The following FBF1 variants were observed in gnomAD, a reference collection of about 807,000 sequenced individuals.
FBF1 encodes Fas binding factor 1.
In FBF1, 119 loss-of-function variants were observed where a neutral mutation model predicts 147.2. That is an observed-to-expected ratio of 0.81 (90% confidence interval 0.70 to 0.94). The LOEUF (loss-of-function observed/expected upper bound fraction) is 0.94. FBF1 is among the 40% of genes least tolerant of loss of function. The pLI is 0.00. For synonymous variants in FBF1, 601 were observed against 609.0 expected (o/e 0.99, Z 0.19); for missense variants, 1,449 against 1,500.8 (o/e 0.97, Z 0.57).
Position 75,926,376 on chromosome 17 carries a change from C to T in FBF1, c.646G>A (p.Glu216Lys). The T allele has an allele frequency of 6.2e-7, 1 of 1,608,258 alleles. No homozygotes were observed. ...TCATCCCCATCATCAAACAACAATT[C>T]TTCTTTTTTTCGGATGGGGGTGTCC... ...PGDTPIRKKE[E>K]LLFDDGDDIM... Residue 216 changes from glutamate to lysine, a missense_variant, in exon 11 of 30, where the codon GAA becomes AAA. Coordinates refer to ENST00000636174, the MANE Select transcript of FBF1 (RefSeq NM_001319193.2).
Position 75,919,706 on chromosome 17 carries a change from C to G in FBF1, c.2100G>C (p.Glu700Asp). 1 of 1,612,166 alleles carries G rather than the reference C, an allele frequency of 6.2e-7. No homozygotes were observed. ...HQRRLAAIAQ[E>D]KDQEMERLRE... Reference sequence around the variant, plus strand: ...GGAGCCGCTCCATTTCCTGGTCCTTCTCCTGCGCTATGGCCGCCAAGCGCC... The same window carrying G: ...GGAGCCGCTCCATTTCCTGGTCCTTGTCCTGCGCTATGGCCGCCAAGCGCC... The change falls in exon 20 of 30, where the codon GAG becomes GAC. Residue 700 changes from glutamate to aspartate, a missense_variant. Glu to Asp is a conservative substitution (Grantham distance 45, BLOSUM62 2). Coordinates refer to ENST00000636174, the MANE Select transcript of FBF1 (RefSeq NM_001319193.2). The surrounding 1 kb of genome is among the most constrained non-coding windows in gnomAD (Gnocchi z 5.0).
At chr17:75,917,600 G>A in intron 23 of FBF1, 132 bp downstream of exon 23, 1 of 796,890 alleles carries the variant, frequency 1.3e-6, no homozygotes, top group Non-Finnish European at 2.0e-6. Flanking sequence ...GAGATGTAGA[G>A]GCAGGAAGCG....
chr17:75,921,401 A>G, intron 16 of FBF1, 71 bp downstream of exon 16: 1 of 1,554,666 alleles, frequency 6.4e-7, no homozygotes, highest in South Asian at 1.2e-5. Flanking sequence ...AGGGACCCCA[A>G]AGGAAGCTCA....
chr17:75,921,282 T>C lies in FBF1; in HGVS notation c.1636A>G (p.Ser546Gly). 1 of 1,593,626 alleles carries C rather than the reference T, an allele frequency of 6.3e-7. No homozygotes were observed. Among genetic ancestry groups the C allele is most frequent in the Non-Finnish European group, 8.5e-7 (1 of 1,170,158 alleles). ...SATEPATCFPSTQKPTEPSVP... is the reference protein window; with the variant it reads ...SATEPATCFPGTQKPTEPSVP... ...GAAGGCTCTGTGGGTTTCTGGGTGC[T>C]CGGGAAACACGTGGCAGGCTCTGAA... is the stretch of plus-strand genomic sequence containing the variant. The change falls in exon 17 of 30, where the codon AGC (serine) becomes GGC (glycine). Residue 546 changes from serine (S) to glycine (G), a missense_variant. Coordinates refer to ENST00000636174, the MANE Select transcript of FBF1 (RefSeq NM_001319193.2).
chr17:75,916,007 C>CAAAAAAAAAAAA, intron 23 of FBF1, among the ~76,000 whole-genome samples: 1 of 65,472 alleles, frequency 1.5e-5, no homozygotes, highest in Non-Finnish European at 2.8e-5. Flanking sequence ...GACTCTGACT[C>CAAAAAAAAAAAA]AAAAAAAAAA....
In FBF1 at chr17:75,928,197, G is replaced by A; in HGVS notation, c.280-4C>T. The A allele has an allele frequency of 6.2e-7, 1 of 1,613,220 alleles. No individual in the cohort carries two copies. The highest frequency in any genetic ancestry group is 8.5e-7 in the Non-Finnish European group (1 of 1,179,292). The stretch of plus-strand genomic sequence containing the variant: ...CAGCATCCATGCCGTCCAGGTCCTA[G>A]AAAACCAGGGAGGGAGGGCAGAGGA... On this transcript the variant is annotated splice_region_variant and splice_polypyrimidine_tract_variant and intron_variant, in intron 7 of 29. Coordinates refer to ENST00000636174, the MANE Select transcript of FBF1 (RefSeq NM_001319193.2). This position sits in a 1 kb window ranked among gnomAD's most constrained non-coding sequence, Gnocchi z 4.2.
intron 1 of FBF1, among the ~76,000 whole-genome samples, chr17:75,939,317 A>AC (rs1555614749): frequency 0.068 from 9,582 of 140,638 alleles, 490 homozygotes; most frequent in African/African-American, 0.14. Flanking sequence ...AAAAAAAAAA[A>AC]CGTGCTCTGG....
At chr17:75,929,945 A>AGGGGCCCC in intron 7 of FBF1, 52 bp downstream of exon 7, 2 of 650,894 alleles carry the variant, frequency 3.1e-6, no homozygotes, top group East Asian at 2.8e-5. Context: ...AAATATCATG[A>AGGGGCCCC]CCCCACCCCA....
chr17:75,930,174 T>C, intron 6 of FBF1, 127 bp from the exon 7 acceptor site: 1 of 713,240 alleles, frequency 1.4e-6, no homozygotes, highest in Non-Finnish European at 2.4e-6. Flanking sequence ...GCTTGGCCAA[T>C]GGAGCTTACA....
intron 3 of FBF1, among the ~76,000 whole-genome samples, chr17:75,936,996 C>A (rs2065628978): frequency 1.3e-5 from 2 of 152,086 alleles, no homozygotes; most frequent in Non-Finnish European, 2.9e-5. Context: ...CCCACACCAG[C>A]TTTCCCACCC....
In FBF1 at chr17:75,910,859, G is replaced by A. The variant is rs1353884494; in HGVS notation, c.3364-53C>T. ...ACCTTCCCTGAGCTGAGAGGGAGGT[G>A]GAGCCCTGGATGCTAGCTGAGCCAG... is the stretch of plus-strand genomic sequence containing the variant. On this transcript the variant is annotated intron_variant, in intron 29 of 29. Coordinates refer to ENST00000636174, the MANE Select transcript of FBF1 (RefSeq NM_001319193.2). The surrounding 1 kb of genome is among the most constrained non-coding windows in gnomAD (Gnocchi z 4.1). 1.2e-5 allele frequency: 17 copies of A among 1,470,960 alleles called. No homozygotes were observed. Among genetic ancestry groups the A allele is most frequent in the Non-Finnish European group, 1.6e-5 (17 of 1,071,556 alleles). The allele number at this position is 1,470,960 out of a possible 1,614,324, so 91.1% of individuals were successfully genotyped here. A position where few individuals can be genotyped will look rare whatever the true frequency, so the allele number is the denominator to read the frequency against.
In FBF1 at chr17:75,920,084, C is replaced by T. The variant is rs759108333; in HGVS notation, c.1854G>A (p.Arg618=). ...TCCCCAGCAGCAGCTCATGCTGGGCCCGTTCTAGCTCCAGCTTCCGCACCT... is the reference window on the plus strand; with the variant it reads ...TCCCCAGCAGCAGCTCATGCTGGGCTCGTTCTAGCTCCAGCTTCCGCACCT... ...EAQVRKLELE[R]AQHELLLGSL... Residue 618 remains arginine, a synonymous_variant, in exon 19 of 30, where the codon CGG becomes CGA. Coordinates refer to ENST00000636174, the MANE Select transcript of FBF1 (RefSeq NM_001319193.2). 52 of 1,588,598 alleles carry T rather than the reference C, an allele frequency of 3.3e-5. No individual in the cohort carries two copies. Among genetic ancestry groups the T allele is most frequent in the Non-Finnish European group, 3.9e-5 (46 of 1,168,296 alleles).
chr17:75,928,108 T>C lies in FBF1; in HGVS notation c.365A>G (p.Lys122Arg). Reference sequence around the variant, plus strand: ...CTTGGGGTGGTTGGGCAGCTCTCCTTTCCCAGGGTCCTTTGCAGCTTTTTT... The same window carrying C: ...CTTGGGGTGGTTGGGCAGCTCTCCTCTCCCAGGGTCCTTTGCAGCTTTTTT... ...PSKKAAKDPG[K>R]GELPNHPKPA... Residue 122 changes from lysine to arginine, a missense_variant, in exon 8 of 30, where the codon AAA (lysine) becomes AGA (arginine). Coordinates refer to ENST00000636174, the MANE Select transcript of FBF1 (RefSeq NM_001319193.2). The surrounding 1 kb of genome is among the most constrained non-coding windows in gnomAD (Gnocchi z 4.2). The C allele has an allele frequency of 1.2e-6, 2 of 1,613,672 alleles. No individual in the cohort carries two copies. Among genetic ancestry groups the C allele is most frequent in the Non-Finnish European group, 8.5e-7 (1 of 1,179,860 alleles).
intron 4 of FBF1, among the ~76,000 whole-genome samples, chr17:75,934,989 G>C (rs2065615605): frequency 6.6e-6 from 1 of 152,032 alleles, no homozygotes; most frequent in Non-Finnish European, 1.5e-5. Context: ...GCTTGCCTAA[G>C]GTTGGAGGGA....
chr17:75,913,622 G>T, intron 28 of FBF1, 80 bp downstream of exon 28: 1 of 990,360 alleles, frequency 1.0e-6, no homozygotes, highest in Non-Finnish European at 1.3e-6. Flanking sequence ...AACTGGAGCG[G>T]CTGGAGGAGG....
rs186970426 is a variant in FBF1 at position 75,914,851 on chromosome 17, A to G, written c.2710T>C (p.Phe904Leu). Residue 904 changes from phenylalanine to leucine, a missense_variant, in exon 25 of 30, where the codon TTC becomes CTC. Coordinates refer to ENST00000636174, the MANE Select transcript of FBF1 (RefSeq NM_001319193.2). ...RRRLAAEWAE[F>L]SAQQKLSKER... Reference sequence around the variant, plus strand: ...TTACTCAGCTTTTGCTGCGCGGAGAACTCCGCCCACTCGGCAGCCAGGCGC... The same window carrying G: ...TTACTCAGCTTTTGCTGCGCGGAGAGCTCCGCCCACTCGGCAGCCAGGCGC... 99 of 1,610,582 alleles carry G rather than the reference A, an allele frequency of 6.1e-5. No homozygotes were observed. The African/African-American group carries it at 1.3e-3, about 21-fold the overall frequency.
rs6501840 is a variant in FBF1, at chr17:75,927,984, C to A, written c.397+92G>T. ...CAGAGAAAACCCAAGGACATGAACGCTTCCTACTAGCATCTTCCACGTCCT... is the reference window on the plus strand; with the variant it reads ...CAGAGAAAACCCAAGGACATGAACGATTCCTACTAGCATCTTCCACGTCCT... On this transcript the variant is annotated intron_variant, in intron 8 of 29. Transcript: ENST00000636174. 2.9e-6 allele frequency: 3 copies of A among 1,037,204 alleles called. No homozygotes were observed. In the Admixed American group the frequency reaches 7.0e-5, roughly 24 times the overall value. The allele number at this position is 1,037,204 out of a possible 1,614,324, so 64.3% of individuals were successfully genotyped here.
rs372404725 is a variant in FBF1 at position 75,914,794 on chromosome 17, A to G, written c.2767T>C (p.Leu923=). 6.4e-7 allele frequency: 1 copy of G among 1,569,636 alleles called. No individual in the cohort carries two copies. The highest frequency in any genetic ancestry group is 8.6e-7 in the Non-Finnish European group (1 of 1,160,636). Residue 923 remains leucine, a synonymous_variant, in exon 25 of 30, where the codon TTG becomes CTG. Transcript: ENST00000636174. ...CCCTCCCGCTGGGTGTCCACCTGCA[A>G]TGCCCGCTCGGCCTCGCGCTCGGCC... The part of the protein sequence containing the change: ...ERAEREAERA[L]QVDTQREGTL...
rs771837305 is a variant in FBF1 at position 75,926,065 on chromosome 17, T to G, written c.833A>C (p.Glu278Ala). The change falls in exon 12 of 30, where the codon GAG becomes GCG. Residue 278 changes from glutamate to alanine, a missense_variant. By Grantham distance (107) the Glu-to-Ala change is moderately radical (BLOSUM62 -1). Transcript: ENST00000636174. ...LARPGTGEHR[E>A]FKLDKKYQRP... ...CTGGTACTTCTTGTCTAGCTTGAAC[T>G]CCCTGTGCTCCCCGGTGCCCGGGCG... 1 of 1,612,470 alleles carries G rather than the reference T, an allele frequency of 6.2e-7. No homozygotes were observed. Among genetic ancestry groups the G allele is most frequent in the South Asian group, 1.1e-5 (1 of 91,016 alleles).
Sources: gnomAD v4.1 joint callset for allele counts (sites outside exome capture counted in the v4.1 genomes callset) on GRCh38, gnomAD v4.1.1 for gene constraint, Gnocchi (gnomAD v3.1) non-coding constraint, MANE v1.5 for transcripts, NCBI Gene and HGNC (gene_info 2026-07-23, HGNC 2026-07-21) for gene names.